Variants in TBC1D1 observed in about 807,000 individuals in gnomAD.
The protein encoded by TBC1D1 is TBC1 domain family member 1.
A neutral mutation model predicts 125.6 loss-of-function variants in TBC1D1; 89 were observed. The ratio of observed to expected loss-of-function variants is 0.71; its 90% CI spans 0.60 to 0.85. TBC1D1 has a LOEUF of 0.85. Ranked by LOEUF, TBC1D1 falls within the 40% of genes least tolerant of loss-of-function variation. The probability of loss-of-function intolerance (pLI) is 0.00; values close to 1 mark genes in which losing one functional copy is unlikely to be tolerated. For synonymous variants in TBC1D1, 565 were observed against 564.1 expected (o/e 1.00, Z -0.02); for missense variants, 1,377 against 1,469.2 (o/e 0.94, Z 1.03).
intron 12 of TBC1D1, among the ~76,000 whole-genome samples, chr4:38,068,505 G>T (rs11935876): frequency 6.6e-6 from 1 of 152,036 alleles, no homozygotes; most frequent in Non-Finnish European, 1.5e-5. Context: ...CCCCTCAGGC[G>T]TAGTCAGCCT....
chr4:38,004,760 G>A lies in TBC1D1; in HGVS notation c.418-9749G>A, dbSNP rs569443104. 3.3e-4 allele frequency among the ~76,000 whole-genome samples: 51 copies of A among 152,304 alleles called. No individual in the cohort carries two copies. In the South Asian group the frequency reaches 5.8e-3, roughly 17 times the overall value. On this transcript the variant is annotated intron_variant, in intron 2 of 19. Transcript: ENST00000261439. ...CTGTAGATGTTTCCAGGGATTATGG[G>A]CAACTTTATGTTTTCCTGTTTTTCT...
intron 12 of TBC1D1, among the ~76,000 whole-genome samples, chr4:38,085,650 C>T (rs970048228): frequency 6.6e-6 from 1 of 152,210 alleles, no homozygotes; most frequent in Non-Finnish European, 1.5e-5. Flanking sequence ...CTCTGTGCAG[C>T]TGTCTCTCAG....
intron 12 of TBC1D1, among the ~76,000 whole-genome samples, chr4:38,070,929 C>A (rs1754601816): frequency 6.6e-6 from 1 of 152,152 alleles, no homozygotes; most frequent in South Asian, 2.1e-4. Flanking sequence ...ATGATGCTAA[C>A]CAGTATTCAG....
chr4:38,017,627 T>G (rs1278618298), intron 3 of TBC1D1, among the ~76,000 whole-genome samples: 2 of 152,174 alleles, frequency 1.3e-5, no homozygotes, highest in African/African-American at 4.8e-5. Flanking sequence ...GAGGAGGAGA[T>G]GGGTCTGGGA....
chr4:38,132,929 G>C lies in TBC1D1; in HGVS notation c.3133-155G>C, dbSNP rs542264900. The C allele has an allele frequency of 8.6e-6, 4 of 464,204 alleles. No individual in the cohort carries two copies. The East Asian group carries it at 1.0e-4, about 12-fold the overall frequency. The allele number at this position is 464,204 out of a possible 1,614,324, so 28.8% of individuals were successfully genotyped here. On this transcript the variant is annotated intron_variant, in intron 18 of 19. Transcript: ENST00000261439. ...AGTAAAATTATTACCTTCTCAGTGC[G>C]TAGTTTTTCTTATTTATTACTTCTA...
At chr4:38,063,254 G>A (rs1486597098) in intron 12 of TBC1D1, among the ~76,000 whole-genome samples, 1 of 152,182 alleles carries the variant, frequency 6.6e-6, no homozygotes, top group Admixed American at 6.5e-5. Context: ...ACGTGTCCAG[G>A]GTGCAAAATG....
intron 2 of TBC1D1, among the ~76,000 whole-genome samples, chr4:37,908,631 G>A (rs1253348557): frequency 3.3e-5 from 5 of 152,188 alleles, no homozygotes; most frequent in Non-Finnish European, 7.3e-5. Flanking sequence ...TGAACGCGGC[G>A]TGGGTGTTTA....
intron 17 of TBC1D1, among the ~76,000 whole-genome samples, chr4:38,124,517 G>C (rs1158122639): frequency 6.6e-6 from 1 of 152,186 alleles, no homozygotes; most frequent in South Asian, 2.1e-4. Flanking sequence ...AGTTTTTAAA[G>C]ATCTTTGAAT....
At chr4:38,050,400 A>G (rs1212066484) in intron 11 of TBC1D1, among the ~76,000 whole-genome samples, 1 of 152,226 alleles carries the variant, frequency 6.6e-6, no homozygotes, top group Non-Finnish European at 1.5e-5. Flanking sequence ...GAATAACAAA[A>G]TTGGAGTAGA....
intron 8 of TBC1D1, among the ~76,000 whole-genome samples, chr4:38,041,036 G>T (rs951786136): frequency 6.6e-6 from 1 of 152,204 alleles, no homozygotes. Flanking sequence ...TTCTAAGGTA[G>T]TAGCCATTCT....
intron 1 of TBC1D1, among the ~76,000 whole-genome samples, chr4:37,899,417 GA>G (rs1715353804): frequency 6.6e-6 from 1 of 152,154 alleles, no homozygotes; most frequent in Non-Finnish European, 1.5e-5. Flanking sequence ...CGTGGGAGCA[GA>G]ACACTTGGGC....
chr4:38,098,239 T>G (rs1191500926), intron 14 of TBC1D1, among the ~76,000 whole-genome samples: 1 of 152,224 alleles, frequency 6.6e-6, no homozygotes, highest in Non-Finnish European at 1.5e-5. Context: ...AGGTTTACCT[T>G]TACACCAAAT....
intron 12 of TBC1D1, among the ~76,000 whole-genome samples, chr4:38,081,286 G>A (rs74922382): frequency 0.01 from 1,544 of 152,216 alleles, 25 homozygotes; most frequent in African/African-American, 0.036. Flanking sequence ...GGGGTCCCTC[G>A]GGGCAGGTGC....
Position 38,118,101 on chromosome 4 carries a change from G to T in TBC1D1, c.2871G>T (p.Glu957Asp), listed in dbSNP as rs1363396910. ...GAGACCTCTACAATCACCTGGAGGA[G>T]CACGAGATCGGCCCCAGCCTCTACG... Residue 957 changes from glutamate (E) to aspartate (D), a missense_variant, in exon 17 of 20, where the codon GAG becomes GAT. Glu to Asp is a conservative substitution (Grantham distance 45). Around this residue, in one of 3 missense-constraint regions of TBC1D1, gnomAD observed 543 missense variants for 613.5 expected, o/e 0.89. Coordinates refer to ENST00000261439, the MANE Select transcript of TBC1D1 (RefSeq NM_015173.4). The T allele has an allele frequency of 1.2e-6, 2 of 1,614,084 alleles. No individual in the cohort carries two copies. Among genetic ancestry groups the T allele is most frequent in the Non-Finnish European group, 1.7e-6 (2 of 1,180,026 alleles).
Position 37,905,163 on chromosome 4 carries a change from A to G in TBC1D1, c.417+2651A>G, listed in dbSNP as rs78382107. Among the ~76,000 whole-genome samples, 70 of 152,356 alleles carry G rather than the reference A, an allele frequency of 4.6e-4. 1 individual carries two copies. Among genetic ancestry groups the G allele is most frequent in the African/African-American group, 1.5e-3 (63 of 41,572 alleles). On this transcript the variant is annotated intron_variant, in intron 2 of 19. Transcript: ENST00000261439. Reference sequence around the variant, plus strand: ...GGAACAATTTTATAAGCATGCCATGAGATTGTTTTCTATTGTATGTTCCAT... The same window carrying G: ...GGAACAATTTTATAAGCATGCCATGGGATTGTTTTCTATTGTATGTTCCAT...
chr4:37,943,634 C>T (rs1345521981), intron 2 of TBC1D1, among the ~76,000 whole-genome samples: 5 of 152,188 alleles, frequency 3.3e-5, no homozygotes, highest in Non-Finnish European at 7.3e-5. Flanking sequence ...GAATCAGCTA[C>T]GAAGCTTGTG....
At chr4:38,059,070 C>A (rs556734601) in intron 12 of TBC1D1, among the ~76,000 whole-genome samples, 12 of 152,284 alleles carry the variant, frequency 7.9e-5, no homozygotes, top group African/African-American at 2.9e-4. Context: ...ACAAAATCCC[C>A]ATGAAATAAT....
At chr4:38,064,984 G>T (rs1416397614) in intron 12 of TBC1D1, among the ~76,000 whole-genome samples, 2 of 151,648 alleles carry the variant, frequency 1.3e-5, no homozygotes, top group Admixed American at 1.3e-4. Flanking sequence ...AGGCTGGAGT[G>T]CAGGGGCACC....
intron 11 of TBC1D1, among the ~76,000 whole-genome samples, chr4:38,052,726 G>GCACA (rs1246402585): frequency 0.011 from 788 of 68,964 alleles, 6 homozygotes; most frequent in East Asian, 0.045. Flanking sequence ...GCGCGCGCGC[G>GCACA]CGCACACACA....
Sources: allele counts gnomAD v4.1 joint callset (sites outside exome capture counted in the v4.1 genomes callset), GRCh38; gene constraint gnomAD v4.1.1; regional missense constraint gnomAD v4.1.1; transcripts MANE v1.5; gene names NCBI Gene and HGNC (gene_info 2026-07-23, HGNC 2026-07-21).